TAS2R1: variants seen among roughly 807,000 people sequenced by gnomAD.
TAS2R1 encodes taste receptor type 2 member 1.
For synonymous variants in TAS2R1, 141 were observed against 134.2 expected (o/e 1.05, Z -0.35); for missense variants, 370 against 353.4 (o/e 1.05, Z -0.38).
the TAS2R1 span, among the ~76,000 whole-genome samples, chr5:9,885,671 TA>T: frequency 6.6e-6 from 1 of 152,168 alleles, no homozygotes; most frequent in Non-Finnish European, 1.5e-5. Context: ...GATGCAAAAT[TA>T]TCCTTTAAAA....
chr5:9,894,800 ACAG>A, the TAS2R1 span, among the ~76,000 whole-genome samples: 3 of 152,366 alleles, frequency 2.0e-5, no homozygotes, highest in Non-Finnish European at 2.9e-5. Context: ...AAACCACTTC[ACAG>A]CAGGTTTCTT....
chr5:9,900,559 T>C, the TAS2R1 span, among the ~76,000 whole-genome samples: 4 of 152,032 alleles, frequency 2.6e-5, no homozygotes, highest in Admixed American at 2.6e-4. Flanking sequence ...AAGCCAGAGT[T>C]ATATGTTTCA....
At chr5:9,709,787 T>A (rs1009249345) in intron 1 of TAS2R1, among the ~76,000 whole-genome samples, 4 of 152,208 alleles carry the variant, frequency 2.6e-5, no homozygotes, top group Admixed American at 2.6e-4. Flanking sequence ...CATGAGAAGC[T>A]CGAAGCTGGA....
intron 1 of TAS2R1, among the ~76,000 whole-genome samples, chr5:9,699,012 T>A (rs1335792696): frequency 2.6e-5 from 4 of 152,210 alleles, no homozygotes; most frequent in African/African-American, 9.7e-5. Flanking sequence ...AGACACTTCT[T>A]GAGAACTAAG....
chr5:9,660,864 T>C (rs903407700), intron 1 of TAS2R1, among the ~76,000 whole-genome samples: 1 of 152,148 alleles, frequency 6.6e-6, no homozygotes, highest in Non-Finnish European at 1.5e-5. Flanking sequence ...AGGAACCACA[T>C]GCAAGGATCT....
chr5:9,632,403 G>C (rs1430702774), upstream of TAS2R1, among the ~76,000 whole-genome samples: 1 of 152,194 alleles, frequency 6.6e-6, no homozygotes, highest in Non-Finnish European at 1.5e-5. Flanking sequence ...GGTTGATGAA[G>C]GTTGGGTGGC....
chr5:9,794,465 A>G, the TAS2R1 span, among the ~76,000 whole-genome samples: 1 of 152,208 alleles, frequency 6.6e-6, no homozygotes, highest in African/African-American at 2.4e-5. Context: ...AGTGAATTGT[A>G]TTTGTTCAAT....
At chr5:9,668,608 A>G (rs1429834974) in intron 1 of TAS2R1, among the ~76,000 whole-genome samples, 2 of 152,216 alleles carry the variant, frequency 1.3e-5, no homozygotes, top group South Asian at 4.1e-4. Context: ...GCCTACATTC[A>G]GCATTCTTAA....
At chr5:9,793,150 G>A in the TAS2R1 span, among the ~76,000 whole-genome samples, 1 of 152,130 alleles carries the variant, frequency 6.6e-6, no homozygotes, top group Non-Finnish European at 1.5e-5. Context: ...GGCAGGACTG[G>A]AAAAAAGAGC....
the TAS2R1 span, among the ~76,000 whole-genome samples, chr5:9,861,040 T>TTTTTTTTTTTG: frequency 2.0e-5 from 3 of 148,894 alleles, no homozygotes; most frequent in African/African-American, 4.9e-5. Flanking sequence ...AGATGAGGTT[T>TTTTTTTTTTTG]TTTTTTTTTT....
At chr5:9,820,504 C>G in the TAS2R1 span, among the ~76,000 whole-genome samples, 2 of 152,114 alleles carry the variant, frequency 1.3e-5, no homozygotes, top group Non-Finnish European at 2.9e-5. Context: ...ATAGAATCAC[C>G]AGAAAAGTTG....
the TAS2R1 span, among the ~76,000 whole-genome samples, chr5:9,885,548 CT>C: frequency 6.6e-6 from 1 of 152,068 alleles, no homozygotes; most frequent in African/African-American, 2.4e-5. Context: ...TGTTGTTAAG[CT>C]TGGAAGTTTT....
At chr5:9,771,813 C>A in the TAS2R1 span, among the ~76,000 whole-genome samples, 6 of 151,912 alleles carry the variant, frequency 3.9e-5, no homozygotes, top group Admixed American at 6.6e-5. Context: ...CTCACAGTAG[C>A]CTCTAATGAT....
intron 1 of TAS2R1, among the ~76,000 whole-genome samples, chr5:9,702,953 G>T (rs548562736): frequency 6.6e-6 from 1 of 152,032 alleles, no homozygotes; most frequent in Non-Finnish European, 1.5e-5. Flanking sequence ...AGGCCAGAAA[G>T]AGAAAAAGTA....
chr5:9,891,649 A>G, the TAS2R1 span, among the ~76,000 whole-genome samples: 1 of 152,132 alleles, frequency 6.6e-6, no homozygotes, highest in African/African-American at 2.4e-5. Flanking sequence ...AAGTAAATTG[A>G]GCAAAAGCCC....
At chr5:9,718,637 A>C in the TAS2R1 span, among the ~76,000 whole-genome samples, 52 of 152,290 alleles carry the variant, frequency 3.4e-4, no homozygotes, top group African/African-American at 1.2e-3. Context: ...ACAAAACAAA[A>C]CAAAACAAAT....
intron 1 of TAS2R1, among the ~76,000 whole-genome samples, chr5:9,705,411 T>C (rs955234971): frequency 3.3e-5 from 5 of 152,262 alleles, no homozygotes; most frequent in African/African-American, 1.2e-4. Context: ...GAAGTCACAC[T>C]GCTTCAGATA....
chr5:9,832,657 T>C, the TAS2R1 span, among the ~76,000 whole-genome samples: 1 of 152,066 alleles, frequency 6.6e-6, no homozygotes. Context: ...ATGAGCCAAC[T>C]ATGTGGCAGC....
At chr5:9,690,177 C>T (rs2126517016) in intron 1 of TAS2R1, among the ~76,000 whole-genome samples, 1 of 152,202 alleles carries the variant, frequency 6.6e-6, no homozygotes, top group East Asian at 1.9e-4. Flanking sequence ...GAATGTTACC[C>T]CGCTATTAAA....
Sources: gnomAD v4.1 joint callset for allele counts (sites outside exome capture counted in the v4.1 genomes callset) on GRCh38, gnomAD v4.1.1 for gene constraint, MANE v1.5 for transcripts, NCBI Gene and HGNC (gene_info 2026-07-23, HGNC 2026-07-21) for gene names.